The following MAP7D2 variants were observed in gnomAD, a reference collection of about 807,000 sequenced individuals.
The protein encoded by MAP7D2 is MAP7 domain-containing protein 2.
In MAP7D2, 33 loss-of-function variants were observed where a neutral mutation model predicts 63.5. The ratio of observed to expected loss-of-function variants is 0.52; its 90% CI spans 0.39 to 0.70. MAP7D2 has a LOEUF of 0.70. MAP7D2 is among the 30% of genes least tolerant of loss of function. The probability of loss-of-function intolerance (pLI) is 0.00; values close to 1 mark genes in which losing one functional copy is unlikely to be tolerated. For missense variants in MAP7D2, 626 were observed against 604.0 expected, an observed-to-expected ratio of 1.04 and a Z score of -0.38; for synonymous variants, 224 against 223.7, an observed-to-expected ratio of 1.00 and a Z score of -0.01.
At chrX:20,094,269 T>C (rs141584834) in intron 1 of MAP7D2, among the ~76,000 whole-genome samples, 5,461 of 105,248 alleles carry the variant, frequency 0.052, 158 homozygotes, top group Non-Finnish European at 0.077. Context: ...TCTGCTCCTA[T>C]AGAAGCAGGC....
chrX:20,013,135 G>A lies in MAP7D2; in HGVS notation c.1807-3C>T. On this transcript the variant is annotated splice_region_variant and splice_polypyrimidine_tract_variant and intron_variant, in intron 13 of 16. Coordinates refer to ENST00000379643, the MANE Select transcript of MAP7D2 (RefSeq NM_001168465.2). ...ACCCCCACTTTGGGGTCTTCTTTCT[G>A]AAAACAAATGGAAGGTGAATGAAAT... 1 of 1,190,186 alleles carries A rather than the reference G, an allele frequency of 8.4e-7. No homozygotes were observed. The highest frequency in any genetic ancestry group is 1.1e-6 in the Non-Finnish European group (1 of 877,977).
chrX:20,039,027 TAA>T (rs1299072645), intron 8 of MAP7D2, among the ~76,000 whole-genome samples: 1 of 111,997 alleles, frequency 8.9e-6, no homozygotes, highest in Non-Finnish European at 1.9e-5. Context: ...CTCCACCAGG[TAA>T]AAGACAACGA....
intron 1 of MAP7D2, among the ~76,000 whole-genome samples, chrX:20,075,306 C>A (rs1168224775): frequency 2.7e-5 from 3 of 111,084 alleles, no homozygotes; most frequent in African/African-American, 9.8e-5. Flanking sequence ...TTCTACCCAT[C>A]CAATATGAAT....
chrX:20,077,328 A>C (rs766275833), intron 1 of MAP7D2, among the ~76,000 whole-genome samples: 1 of 111,460 alleles, frequency 9.0e-6, no homozygotes, highest in Admixed American at 9.6e-5. Flanking sequence ...GGTGGCATAA[A>C]CATAGTACCA....
At chrX:20,111,678 C>A (rs932717163) in intron 1 of MAP7D2, among the ~76,000 whole-genome samples, 1 of 111,654 alleles carries the variant, frequency 9.0e-6, no homozygotes, top group Non-Finnish European at 1.9e-5. Flanking sequence ...GTGGTGATGG[C>A]TGCACAACTC....
chrX:20,083,822 C>G (rs1023020414), intron 1 of MAP7D2, among the ~76,000 whole-genome samples: 2 of 111,433 alleles, frequency 1.8e-5, no homozygotes, highest in Admixed American at 1.9e-4. Context: ...TCCAAAATAT[C>G]TCCTGGGGAG....
intron 6 of MAP7D2, among the ~76,000 whole-genome samples, chrX:20,048,214 T>C (rs1183924729): frequency 1.8e-5 from 2 of 112,290 alleles, no homozygotes; most frequent in Admixed American, 1.9e-4. Context: ...GTATGTTGAA[T>C]ACCTGCTTTC....
chrX:20,063,278 A>C (rs2065266875), intron 3 of MAP7D2, 136 bp downstream of exon 3: 1 of 600,642 alleles, frequency 1.7e-6, no homozygotes, highest in Non-Finnish European at 2.5e-6. Flanking sequence ...TGTTGCTGAA[A>C]GAAGGCATGG....
Position 20,025,811 on chromosome X carries a change from T to G in MAP7D2, c.1149A>C (p.Glu383Asp). ...RKAEKEKSNKEREGTLAQQAA... is the reference protein window; with the variant it reads ...RKAEKEKSNKDREGTLAQQAA... ...CCTGCTGAGCCAAGGTACCTTCCCT[T>G]TCCTTGTTGCTCTTCTCTTTCTCCG... is the stretch of plus-strand genomic sequence containing the variant. Residue 383 changes from glutamate to aspartate, a missense_variant, in exon 9 of 17, where the codon GAA (glutamate) becomes GAC (aspartate). Physicochemically the swap from Glu to Asp is conservative, Grantham distance 45. Transcript: ENST00000379643. 5 of 1,211,820 alleles carry G rather than the reference T, an allele frequency of 4.1e-6. No homozygotes were observed. The highest frequency in any genetic ancestry group is 5.6e-6 in the Non-Finnish European group (5 of 895,511).
At chrX:20,083,998 C>T (rs763215161) in intron 1 of MAP7D2, among the ~76,000 whole-genome samples, 2 of 110,730 alleles carry the variant, frequency 1.8e-5, no homozygotes, top group South Asian at 3.9e-4. Context: ...GTCAGGGGTA[C>T]GAGACCAGCC....
chrX:20,026,042 C>T, intron 8 of MAP7D2, 90 bp from the exon 9 acceptor site: 1 of 994,594 alleles, frequency 1.0e-6, no homozygotes, highest in Non-Finnish European at 1.4e-6. Context: ...ACAAGCTGAA[C>T]AATTTCATCC....
chrX:20,040,990 C>G (rs1023252762), intron 8 of MAP7D2, among the ~76,000 whole-genome samples: 4 of 111,432 alleles, frequency 3.6e-5, no homozygotes, highest in African/African-American at 1.3e-4. Context: ...TACAACAAAA[C>G]TAGGTATACC....
chrX:20,046,179 G>A (rs187228268), intron 6 of MAP7D2, among the ~76,000 whole-genome samples: 4 of 111,913 alleles, frequency 3.6e-5, no homozygotes, highest in East Asian at 2.8e-4. Context: ...TTTAAAAATC[G>A]AGTAGGGACC....
chrX:20,081,230 G>C (rs766079376), intron 1 of MAP7D2, among the ~76,000 whole-genome samples: 10 of 112,167 alleles, frequency 8.9e-5, no homozygotes, highest in Non-Finnish European at 1.3e-4. Flanking sequence ...TATTCATGGT[G>C]ATGTGTATGT....
intron 1 of MAP7D2, among the ~76,000 whole-genome samples, chrX:20,072,727 C>T (rs750665968): frequency 9.0e-6 from 1 of 111,666 alleles, no homozygotes; most frequent in East Asian, 2.8e-4. Context: ...TTTACCAGCT[C>T]TCTAGGTATT....
At chrX:20,020,825 G>A (rs928090099) in intron 10 of MAP7D2, among the ~76,000 whole-genome samples, 1 of 111,792 alleles carries the variant, frequency 8.9e-6, no homozygotes, top group Non-Finnish European at 1.9e-5. Flanking sequence ...GACCTTGCTC[G>A]TAGGGAGCTG....
At chrX:20,059,150 T>A (rs1603379719) in intron 3 of MAP7D2, among the ~76,000 whole-genome samples, 1 of 112,399 alleles carries the variant, frequency 8.9e-6, no homozygotes, top group South Asian at 3.7e-4. Flanking sequence ...CAAAGCTAAG[T>A]GAATCTGAAT....
intron 1 of MAP7D2, among the ~76,000 whole-genome samples, chrX:20,116,197 G>A (rs1376866998): frequency 8.8e-6 from 1 of 113,028 alleles, no homozygotes; most frequent in Non-Finnish European, 1.9e-5. Flanking sequence ...GGCGGGAGGA[G>A]CACCCGGTCC....
intron 1 of MAP7D2, among the ~76,000 whole-genome samples, chrX:20,111,927 C>T (rs2066753938): frequency 9.0e-6 from 1 of 111,143 alleles, no homozygotes; most frequent in Admixed American, 9.6e-5. Flanking sequence ...CGTGCCATCA[C>T]GCCCAGCTAA....
Sources: allele counts gnomAD v4.1 joint callset (sites outside exome capture counted in the v4.1 genomes callset), GRCh38; gene constraint gnomAD v4.1.1; transcripts MANE v1.5; gene names NCBI Gene and HGNC (gene_info 2026-07-23, HGNC 2026-07-21).